The following ZNF804B variants were observed in gnomAD, a reference collection of about 807,000 sequenced individuals.
ZNF804B encodes the protein zinc finger protein 804B, also known as zinc finger 804B.
Under a neutral mutation model 101.4 loss-of-function variants are expected in ZNF804B, and 80 were observed. The ratio of observed to expected loss-of-function variants is 0.79; its 90% CI spans 0.66 to 0.95. ZNF804B has a LOEUF of 0.95. ZNF804B is among the 40% of genes least tolerant of loss of function. The pLI, the probability that ZNF804B is intolerant of heterozygous loss-of-function variation, is 0.00. For missense variants in ZNF804B, 1,673 were observed against 1,561.9 expected (o/e 1.07, Z -1.20); for synonymous variants, 622 against 558.8 (o/e 1.11, Z -1.59).
rs780647075 is a variant in ZNF804B, at chr7:89,333,584, A to G, written c.602A>G (p.Asn201Ser). Residue 201 changes from asparagine (N) to serine (S), a missense_variant, in exon 4 of 4, where the codon AAT (asparagine) becomes AGT (serine). Transcript: ENST00000333190. ...LQSDRRCLFG[N>S]QVLQTSSDLS... ...TCAGACAGGCGTTGTTTGTTTGGAA[A>G]TCAGGTACTGCAAACATCTTCAGAT... 8.7e-6 allele frequency: 14 copies of G among 1,613,628 alleles called. No homozygotes were observed. In the East Asian group the frequency reaches 1.1e-4, roughly 13 times the overall value.
intron 2 of ZNF804B, among the ~76,000 whole-genome samples, chr7:89,290,929 C>T (rs764055002): frequency 1.3e-5 from 2 of 152,054 alleles, no homozygotes; most frequent in African/African-American, 2.4e-5. Context: ...ACAAGTGACT[C>T]ACCACAGAGA....
intron 2 of ZNF804B, among the ~76,000 whole-genome samples, chr7:89,220,002 T>TACACATATGTGTGTATACATATATATAC: frequency 3.6e-5 from 1 of 27,592 alleles, no homozygotes; most frequent in Admixed American, 3.2e-4. Context: ...TATATGTATA[T>TACACATATGTGTGTATACATATATATAC]GCACATATAT....
At chr7:89,198,982 C>G (rs1213714525) in intron 1 of ZNF804B, among the ~76,000 whole-genome samples, 1 of 151,786 alleles carries the variant, frequency 6.6e-6, no homozygotes, top group Non-Finnish European at 1.5e-5. Context: ...AAAAAGTCAG[C>G]AATAAAGGGC....
intron 1 of ZNF804B, among the ~76,000 whole-genome samples, chr7:88,930,826 G>A (rs955201037): frequency 7.9e-4 from 120 of 151,870 alleles, no homozygotes; most frequent in African/African-American, 2.8e-3. Context: ...TCATGCAGGC[G>A]TTCCTTTATT....
rs1167041529 is a variant in ZNF804B at position 89,215,845 on chromosome 7, C to T, written c.109-2310C>T. The stretch of plus-strand genomic sequence containing the variant: ...CTTACAGTCAGCCGAGATCACGCCA[C>T]TGCACTCCAGCCTGGGCAACAGAGA... On this transcript the variant is annotated intron_variant, in intron 1 of 3. Coordinates refer to ENST00000333190, the MANE Select transcript of ZNF804B (RefSeq NM_181646.5). Among the ~76,000 whole-genome samples the T allele has an allele frequency of 1.1e-4, 17 of 151,222 alleles. No individual in the cohort carries two copies. In the East Asian group the frequency reaches 3.1e-3, roughly 28 times the overall value.
At chr7:88,952,458 T>A (rs141440819) in intron 1 of ZNF804B, among the ~76,000 whole-genome samples, 1,856 of 151,286 alleles carry the variant, frequency 0.012, 20 homozygotes, top group South Asian at 0.047. Flanking sequence ...ATCATTTTTA[T>A]GTGCAAATTT....
chr7:88,850,317 C>A (rs530169102), intron 1 of ZNF804B, among the ~76,000 whole-genome samples: 12 of 152,098 alleles, frequency 7.9e-5, no homozygotes, highest in African/African-American at 2.9e-4. Flanking sequence ...TAAAACTGGT[C>A]ATCCAGGGAA....
chr7:89,292,990 T>C (rs1790321700), intron 2 of ZNF804B, among the ~76,000 whole-genome samples: 1 of 152,074 alleles, frequency 6.6e-6, no homozygotes, highest in African/African-American at 2.4e-5. Flanking sequence ...TATTTCATAG[T>C]TATAATTAAA....
intron 1 of ZNF804B, among the ~76,000 whole-genome samples, chr7:88,900,158 T>C (rs1484258036): frequency 6.6e-6 from 1 of 152,114 alleles, no homozygotes; most frequent in African/African-American, 2.4e-5. Flanking sequence ...ATACTTTATG[T>C]ATACAGATTT....
chr7:89,301,367 T>C lies in ZNF804B; in HGVS notation c.250-25977T>C, dbSNP rs189483964. ...GACAATGCAATAGCTTTCTTGCTGA[T>C]GTGACTCATTATTTTCTCTTCCAAA... On this transcript the variant is annotated intron_variant, in intron 2 of 3. Transcript: ENST00000333190. Among the ~76,000 whole-genome samples the C allele has an allele frequency of 3.8e-3, 580 of 151,882 alleles. 5 individuals carry two copies. The highest frequency in any genetic ancestry group is 0.013 in the African/African-American group (540 of 41,504).
At chr7:89,170,018 A>T (rs1791200836) in intron 1 of ZNF804B, among the ~76,000 whole-genome samples, 1 of 152,208 alleles carries the variant, frequency 6.6e-6, no homozygotes, top group Non-Finnish European at 1.5e-5. Context: ...TAAGAAACCA[A>T]CTTTTAATAC....
intron 1 of ZNF804B, among the ~76,000 whole-genome samples, chr7:88,927,011 G>A (rs2373742): frequency 0.018 from 2,781 of 151,594 alleles, 120 homozygotes; most frequent in East Asian, 0.17. Flanking sequence ...AAAAGTGAGT[G>A]GCAGCGCATA....
Position 89,206,896 on chromosome 7 carries a change from T to C in ZNF804B, c.109-11259T>C, listed in dbSNP as rs981068038. 5.3e-5 allele frequency among the ~76,000 whole-genome samples: 8 copies of C among 152,178 alleles called. No homozygotes were observed. The East Asian group carries it at 1.5e-3, about 29-fold the overall frequency. ...TCTCTCAAGTTCAAAGTTTCACAAATCCCTATGGCAGGAGCAAAGTGCTGC... is the reference window on the plus strand; with the variant it reads ...TCTCTCAAGTTCAAAGTTTCACAAACCCCTATGGCAGGAGCAAAGTGCTGC... On this transcript the variant is annotated intron_variant, in intron 1 of 3. Transcript: ENST00000333190.
chr7:88,870,407 A>AT (rs1791804597), intron 1 of ZNF804B, among the ~76,000 whole-genome samples: 1 of 146,496 alleles, frequency 6.8e-6, no homozygotes, highest in Non-Finnish European at 1.5e-5. Flanking sequence ...AAAAAAAAAA[A>AT]GGTGGGTGAT....
At position 88,759,926 on chromosome 7, in the gene ZNF804B, G is replaced by C; in HGVS notation, c.-51G>C. On this transcript the variant is annotated 5_prime_UTR_variant, in exon 1 of 4. Transcript: ENST00000333190. The stretch of plus-strand genomic sequence containing the variant: ...GCTGAGAAACCCGCCCGCTTTCCAC[G>C]GCTGGTCGCCTGGTGAGGAGTTGAG... 1 of 1,532,550 alleles carries C rather than the reference G, an allele frequency of 6.5e-7. No homozygotes were observed. The highest frequency in any genetic ancestry group is 9.0e-7 in the Non-Finnish European group (1 of 1,108,194). The allele number at this position is 1,532,550 out of a possible 1,614,324, so 94.9% of individuals were successfully genotyped here. A position where few individuals can be genotyped will look rare whatever the true frequency, so the allele number is the denominator to read the frequency against.
chr7:89,203,919 A>T (rs1788681502), intron 1 of ZNF804B, among the ~76,000 whole-genome samples: 1 of 152,204 alleles, frequency 6.6e-6, no homozygotes, highest in African/African-American at 2.4e-5. Context: ...TTAATACCAG[A>T]ACAATTTAAG....
intron 1 of ZNF804B, among the ~76,000 whole-genome samples, chr7:89,039,246 A>G (rs1354141549): frequency 2.0e-5 from 3 of 151,896 alleles, no homozygotes; most frequent in East Asian, 1.9e-4. Context: ...TTGTTTCTGT[A>G]GATTGCTTTG....
chr7:89,336,037 G>T lies in ZNF804B; in HGVS notation c.3055G>T (p.Asp1019Tyr), dbSNP rs1791079912. 1 of 1,613,848 alleles carries T rather than the reference G, an allele frequency of 6.2e-7. No individual in the cohort carries two copies. The highest frequency in any genetic ancestry group is 1.7e-5 in the Admixed American group (1 of 59,950). ...SHTNNFTILADTDCDNHLSKG... is the reference protein window; with the variant it reads ...SHTNNFTILAYTDCDNHLSKG... ...CACAAATAATTTTACAATTTTAGCA[G>T]ACACTGATTGTGATAACCATCTTTC... The change falls in exon 4 of 4, where the codon GAC becomes TAC. Residue 1019 changes from aspartate (D) to tyrosine (Y), a missense_variant. Physicochemically the swap from Asp to Tyr is radical, Grantham distance 160. Transcript: ENST00000333190.
chr7:89,095,820 C>G (rs1047385894), intron 1 of ZNF804B, among the ~76,000 whole-genome samples: 1 of 152,068 alleles, frequency 6.6e-6, no homozygotes, highest in African/African-American at 2.4e-5. Context: ...CTTTGCCACT[C>G]CCCTAGAACT....
Sources: gnomAD v4.1 joint callset for allele counts (sites outside exome capture counted in the v4.1 genomes callset) on GRCh38, gnomAD v4.1.1 for gene constraint, MANE v1.5 for transcripts, NCBI Gene and HGNC (gene_info 2026-07-23, HGNC 2026-07-21) for gene names.